URI1: variants seen among roughly 807,000 people sequenced by gnomAD.
The protein encoded by URI1 is URI1 prefoldin like chaperone, also known as unconventional prefoldin RPB5 interactor 1.
A neutral mutation model predicts 60.2 loss-of-function variants in URI1; 39 were observed. The ratio of observed to expected loss-of-function variants is 0.65; its 90% CI spans 0.50 to 0.85. URI1 has a LOEUF of 0.85. Ranked by LOEUF, URI1 falls within the 40% of genes least tolerant of loss-of-function variation. The pLI, the probability that URI1 is intolerant of heterozygous loss-of-function variation, is 0.00. For missense variants in URI1, 691 were observed against 665.9 expected (o/e 1.04, Z -0.42); for synonymous variants, 251 against 236.8 (o/e 1.06, Z -0.55).
chr19:29,971,154 C>T (rs1164645719), intron 1 of URI1, 39 bp from the exon 2 acceptor site: 2 of 1,606,214 alleles, frequency 1.2e-6, no homozygotes, highest in Non-Finnish European at 8.5e-7. Context: ...CTGTGCATAG[C>T]TCTGTTTTTT....
intron 1 of URI1, among the ~76,000 whole-genome samples, chr19:29,961,467 G>A (rs765463223): frequency 9.9e-5 from 15 of 152,002 alleles, no homozygotes; most frequent in Admixed American, 5.9e-4. Flanking sequence ...GTTCGTCCAC[G>A]TTGTGGCACA....
At chr19:29,927,151 A>C (rs1432169087) in intron 1 of URI1, among the ~76,000 whole-genome samples, 1 of 151,952 alleles carries the variant, frequency 6.6e-6, no homozygotes, top group Non-Finnish European at 1.5e-5. Context: ...TGTAGACAGG[A>C]GAATGGATTC....
chr19:29,953,945 ATAGT>A (rs986230759), intron 1 of URI1, among the ~76,000 whole-genome samples: 2 of 152,188 alleles, frequency 1.3e-5, no homozygotes, highest in African/African-American at 4.8e-5. Context: ...ATCCTTGCAA[ATAGT>A]TAGAACTACT....
intron 4 of URI1, 121 bp downstream of exon 4, chr19:29,986,538 T>C (rs1056870817): frequency 2.4e-6 from 3 of 1,243,656 alleles, no homozygotes; most frequent in Non-Finnish European, 2.2e-6. Context: ...AGGCTGTTTG[T>C]GATTCTGTTG....
intron 2 of URI1, among the ~76,000 whole-genome samples, chr19:29,980,667 G>A (rs562243039): frequency 1.3e-4 from 18 of 136,856 alleles, no homozygotes; most frequent in African/African-American, 4.9e-4. Flanking sequence ...GCTCACACCT[G>A]TAATCCCAGC....
chr19:29,924,796 T>C (rs2054851784), intron 1 of URI1, among the ~76,000 whole-genome samples: 1 of 152,242 alleles, frequency 6.6e-6, no homozygotes, highest in East Asian at 1.9e-4. Flanking sequence ...TGCCCTCAGC[T>C]TCCTGTCCAG....
chr19:29,941,029 CAA>C (rs556855470), upstream of URI1, among the ~76,000 whole-genome samples: 1 of 152,094 alleles, frequency 6.6e-6, no homozygotes, highest in African/African-American at 2.4e-5. Flanking sequence ...TATCTTTTCC[CAA>C]GTTGTCCTTG....
intron 10 of URI1, 54 bp downstream of exon 10, chr19:30,012,585 T>C (rs770771509): frequency 3.4e-5 from 53 of 1,564,648 alleles, no homozygotes; most frequent in Non-Finnish European, 4.4e-5. Context: ...TTGACCAGTT[T>C]TAGCTATTTA....
At chr19:29,997,416 T>C (rs1320608169) in intron 4 of URI1, among the ~76,000 whole-genome samples, 1 of 152,196 alleles carries the variant, frequency 6.6e-6, no homozygotes, top group Non-Finnish European at 1.5e-5. Context: ...GTGATTTTAG[T>C]GATTTGAATC....
intron 2 of URI1, among the ~76,000 whole-genome samples, chr19:29,982,609 C>A (rs1000488887): frequency 6.6e-6 from 1 of 152,158 alleles, no homozygotes; most frequent in African/African-American, 2.4e-5. Flanking sequence ...ACTGTCTAGG[C>A]ACTGTACCAG....
intron 4 of URI1, among the ~76,000 whole-genome samples, chr19:29,986,882 A>G (rs1489801595): frequency 1.3e-5 from 2 of 152,272 alleles, no homozygotes; most frequent in Middle Eastern, 3.4e-3. Flanking sequence ...AAAAAACCAT[A>G]TTTTCATTTG....
chr19:29,928,722 G>A (rs1335157765), intron 1 of URI1, among the ~76,000 whole-genome samples: 1 of 152,150 alleles, frequency 6.6e-6, no homozygotes, highest in South Asian at 2.1e-4. Flanking sequence ...TTTTCTTTTC[G>A]GTAGAAGGGT....
chr19:29,940,373 G>A (rs1265315831), upstream of URI1, among the ~76,000 whole-genome samples: 1 of 152,168 alleles, frequency 6.6e-6, no homozygotes, highest in African/African-American at 2.4e-5. Flanking sequence ...CTCAGGAGAG[G>A]CGTGGTGGCT....
At chr19:29,942,914 G>T (rs1212279413) in intron 1 of URI1, among the ~76,000 whole-genome samples, 2 of 152,170 alleles carry the variant, frequency 1.3e-5, no homozygotes, top group African/African-American at 4.8e-5. Flanking sequence ...GGCAGCGCGT[G>T]GGAATTTGGG....
intron 1 of URI1, among the ~76,000 whole-genome samples, chr19:29,943,285 G>T (rs866521164): frequency 2.0e-5 from 3 of 152,088 alleles, no homozygotes; most frequent in Middle Eastern, 3.4e-3. Flanking sequence ...TAATTTCATC[G>T]TATAATAAAT....
rs753819220 is a variant in URI1, at chr19:29,942,614, G to C, written c.67G>C (p.Val23Leu). Residue 23 changes from valine to leucine, a missense_variant, in exon 1 of 11, where the codon GTT (valine) becomes CTT (leucine). By Grantham distance (32) the Val-to-Leu change is conservative. Coordinates refer to ENST00000392271, the MANE Select transcript of URI1 (RefSeq NM_003796.3). ...CCCTTCGGCCCCGGCCCCTGCCCTG[G>C]TTCCGTTGCGCGCCCCGGATGTGGC... ...SPPSAPAPAL[V>L]PLRAPDVARL... is the part of the protein sequence containing the mutation. 41 of 1,473,710 alleles carry C rather than the reference G, an allele frequency of 2.8e-5. No individual in the cohort carries two copies. The highest frequency in any genetic ancestry group is 3.0e-5 in the Non-Finnish European group (33 of 1,117,214). The allele number at this position is 1,473,710 out of a possible 1,614,324, so 91.3% of individuals were successfully genotyped here.
At chr19:29,992,685 G>A (rs2055761764) in intron 4 of URI1, among the ~76,000 whole-genome samples, 1 of 152,126 alleles carries the variant, frequency 6.6e-6, no homozygotes, top group African/African-American at 2.4e-5. Flanking sequence ...TTTGAGATTT[G>A]CTGAATTCTT....
intron 6 of URI1, among the ~76,000 whole-genome samples, chr19:30,005,929 A>AT (rs2055936704): frequency 6.6e-6 from 1 of 151,986 alleles, no homozygotes; most frequent in South Asian, 2.1e-4. Context: ...TAGTGGTGGG[A>AT]TTACATGGCT....
chr19:29,941,456 A>G (rs2055022905), upstream of URI1, among the ~76,000 whole-genome samples: 1 of 152,124 alleles, frequency 6.6e-6, no homozygotes, highest in Admixed American at 6.5e-5. Flanking sequence ...CCCCGCCTCT[A>G]CAAAAAATAG....
Sources: allele counts gnomAD v4.1 joint callset (sites outside exome capture counted in the v4.1 genomes callset), GRCh38; gene constraint gnomAD v4.1.1; transcripts MANE v1.5; gene names NCBI Gene and HGNC (gene_info 2026-07-23, HGNC 2026-07-21).